The following DUSP6 variants were observed in gnomAD, a reference collection of about 807,000 sequenced individuals.
DUSP6 encodes dual specificity protein phosphatase 6.
DUSP6 carries 6 observed loss-of-function variants against 28.0 expected under a neutral mutation model. The observed-to-expected ratio is 0.21, with a 90% CI of 0.12 to 0.42. DUSP6 has a LOEUF of 0.42. DUSP6 is among the 10% of genes least tolerant of loss of function. DUSP6 has a pLI of 1.00. For missense variants in DUSP6, 451 were observed against 498.1 expected (o/e 0.91, Z 0.90); for synonymous variants, 252 against 217.5 (o/e 1.16, Z -1.40).
Position 89,348,481 on chromosome 12 carries a change from G to A in DUSP6, c.*773C>T, listed in dbSNP as rs1282519063. The stretch of plus-strand genomic sequence containing the variant: ...AAACTACATAAAGAGAAAAAATCAT[G>A]AGGAAAATACATGAAAAAGACTAAA... On this transcript the variant is annotated 3_prime_UTR_variant, in exon 3 of 3. Transcript: ENST00000279488. 6.6e-6 allele frequency: 1 copy of A among 152,436 alleles called. No homozygotes were observed. Among genetic ancestry groups the A allele is most frequent in the Non-Finnish European group, 1.5e-5 (1 of 68,026 alleles). 9.4% of individuals were successfully genotyped at this position (152,436 alleles called of 1,614,324 possible). A position where few individuals can be genotyped will look rare whatever the true frequency, so the allele number is the denominator to read the frequency against.
In DUSP6 at chr12:89,349,123, TTGTC is replaced by T. The variant is rs1474726819; in HGVS notation, c.*127_*130del. ...TTAACCAATTCCGCACTTGGTAACC[TTGTC>T]TAGTACAGACAGCTGGTGTCATTTT... On this transcript the variant is annotated 3_prime_UTR_variant, in exon 3 of 3. Coordinates refer to ENST00000279488, the MANE Select transcript of DUSP6 (RefSeq NM_001946.4). 7 of 987,330 alleles carry T rather than the reference TTGTC, an allele frequency of 7.1e-6. No homozygotes were observed. Among genetic ancestry groups the T allele is most frequent in the Non-Finnish European group, 1.0e-5 (7 of 671,700 alleles). 61.2% of individuals were successfully genotyped at this position (987,330 alleles called of 1,614,324 possible). A position where few individuals can be genotyped will look rare whatever the true frequency, so the allele number is the denominator to read the frequency against.
rs1592768047 is a variant in DUSP6, at chr12:89,351,914, C to T, written c.126G>A (p.Gln42=). Residue 42 remains glutamine, a synonymous_variant, in exon 1 of 3, where the codon CAG becomes CAA. Transcript: ENST00000279488. ...CGATGTGCGACGACTCGTATAGCTCCTGCGGCCGGCAGTCCATCAGCAGCA... is the reference window on the plus strand; with the variant it reads ...CGATGTGCGACGACTCGTATAGCTCTTGCGGCCGGCAGTCCATCAGCAGCA... ...ERLLLMDCRP[Q]ELYESSHIES... 1.9e-6 allele frequency: 3 copies of T among 1,612,944 alleles called. No homozygotes were observed. Among genetic ancestry groups the T allele is most frequent in the East Asian group, 2.2e-5 (1 of 44,880 alleles).
intron 1 of DUSP6, chr12:89,351,352 G>A (rs1024542101): frequency 5.1e-6 from 3 of 588,396 alleles, no homozygotes; most frequent in Non-Finnish European, 8.8e-6. Flanking sequence ...TCGAACGATA[G>A]AAAACAGGGT....
Position 89,352,194 on chromosome 12 carries a change from GACAGAA to G in DUSP6, c.-161_-156del. ...CGAGGCTAGCGGTTGGGGCAGACGA[GACAGAA>G]GTAAAGCCGGAGGTTCTCTCTGCAC... On this transcript the variant is annotated 5_prime_UTR_variant, in exon 1 of 3. Coordinates refer to ENST00000279488, the MANE Select transcript of DUSP6 (RefSeq NM_001946.4). 2.6e-6 allele frequency: 3 copies of G among 1,173,920 alleles called. No homozygotes were observed. Among genetic ancestry groups the G allele is most frequent in the Non-Finnish European group, 3.5e-6 (3 of 847,100 alleles). The allele number at this position is 1,173,920 out of a possible 1,614,324, so 72.7% of individuals were successfully genotyped here.
rs538971597 is a variant in DUSP6 at position 89,352,192 on chromosome 12, G to C, written c.-153C>G. 6.8e-5 allele frequency: 80 copies of C among 1,183,070 alleles called. No individual in the cohort carries two copies. In the African/African-American group the frequency reaches 8.7e-4, roughly 13 times the overall value. 73.3% of individuals were successfully genotyped at this position (1,183,070 alleles called of 1,614,324 possible). On this transcript the variant is annotated 5_prime_UTR_variant, in exon 1 of 3. Coordinates refer to ENST00000279488, the MANE Select transcript of DUSP6 (RefSeq NM_001946.4). ...GCCGAGGCTAGCGGTTGGGGCAGACGAGACAGAAGTAAAGCCGGAGGTTCT... is the reference window on the plus strand; with the variant it reads ...GCCGAGGCTAGCGGTTGGGGCAGACCAGACAGAAGTAAAGCCGGAGGTTCT...
rs758911284 is a variant in DUSP6 at position 89,351,654 on chromosome 12, G to A, written c.386C>T (p.Ala129Val). ...LKKLKDEGCR[A>V]FYLEGGFSKF... ...TGGGCGCGTACCTTCCAGGTAGAAC[G>A]CCCGGCAGCCCTCGTCCTTGAGCTT... Residue 129 changes from alanine to valine, a missense_variant, in exon 1 of 3, where the codon GCG becomes GTG. By Grantham distance (64) the Ala-to-Val change is moderately conservative (BLOSUM62 0). This residue lies in a region of DUSP6 where 347 missense variants were observed against 346.6 expected (regional missense o/e 1.00). Coordinates refer to ENST00000279488, the MANE Select transcript of DUSP6 (RefSeq NM_001946.4). 7.6e-5 allele frequency: 122 copies of A among 1,601,978 alleles called. No individual in the cohort carries two copies. Among genetic ancestry groups the A allele is most frequent in the Non-Finnish European group, 1.0e-4 (122 of 1,173,448 alleles).
Position 89,351,708 on chromosome 12 carries a change from C to A in DUSP6, c.332G>T (p.Gly111Val). 1 of 1,605,558 alleles carries A rather than the reference C, an allele frequency of 6.2e-7. No homozygotes were observed. Among genetic ancestry groups the A allele is most frequent in the Non-Finnish European group, 8.5e-7 (1 of 1,176,740 alleles). ...GAGCAGCAGCCCGAGCACCGACTCGCCGCCCGTATTCTCGTTCCAGTCGCT... is the reference window on the plus strand; with the variant it reads ...GAGCAGCAGCCCGAGCACCGACTCGACGCCCGTATTCTCGTTCCAGTCGCT... ...SSSDWNENTG[G>V]ESVLGLLLKK... The change falls in exon 1 of 3, where the codon GGC (glycine) becomes GTC (valine). Residue 111 changes from glycine to valine, a missense_variant. Gly to Val is a moderately radical substitution (Grantham distance 109, BLOSUM62 -3). Transcript: ENST00000279488.
Position 89,351,564 on chromosome 12 carries a change from T to A in DUSP6, c.400+76A>T. 2 of 1,472,480 alleles carry A rather than the reference T, an allele frequency of 1.4e-6. 1 individual carries two copies. The highest frequency in any genetic ancestry group is 2.8e-5 in the South Asian group (2 of 72,460). 91.2% of individuals were successfully genotyped at this position (1,472,480 alleles called of 1,614,324 possible). On this transcript the variant is annotated intron_variant, in intron 1 of 2. Coordinates refer to ENST00000279488, the MANE Select transcript of DUSP6 (RefSeq NM_001946.4). Reference sequence around the variant, plus strand: ...GCTCCAGCTGAGCGGAGCAGAGGTATTTTCAATCCACGCGCCCCGCCCGCA... The same window carrying A: ...GCTCCAGCTGAGCGGAGCAGAGGTAATTTCAATCCACGCGCCCCGCCCGCA...
Position 89,351,804 on chromosome 12 carries a change from C to T in DUSP6, c.236G>A (p.Arg79His). The T allele has an allele frequency of 2.5e-6, 4 of 1,610,912 alleles. No homozygotes were observed. The highest frequency in any genetic ancestry group is 1.7e-6 in the Non-Finnish European group (2 of 1,179,294). ...GGTGAAGCGGTCCCGGTCCTCGCCG[C>T]GCGTGAAGAGCGCGCGCACCGGCAG... Reference protein sequence around the residue: ...GNLPVRALFTRGEDRDRFTRR... With the variant: ...GNLPVRALFTHGEDRDRFTRR... Residue 79 changes from arginine (R) to histidine (H), a missense_variant, in exon 1 of 3, where the codon CGC becomes CAC. Around this residue, in one of 2 missense-constraint regions of DUSP6, gnomAD observed 347 missense variants for 346.6 expected, o/e 1.00. Coordinates refer to ENST00000279488, the MANE Select transcript of DUSP6 (RefSeq NM_001946.4).
rs61734372 is a variant in DUSP6 at position 89,351,780 on chromosome 12, G to A, written c.260C>T (p.Thr87Ile). ...FTRGEDRDRFTRRCGTDTVVL... is the reference protein window; with the variant it reads ...FTRGEDRDRFIRRCGTDTVVL... ...CACTGTGTCGGTGCCACAGCGCCGGGTGAAGCGGTCCCGGTCCTCGCCGCG... is the reference window on the plus strand; with the variant it reads ...CACTGTGTCGGTGCCACAGCGCCGGATGAAGCGGTCCCGGTCCTCGCCGCG... The change falls in exon 1 of 3, where the codon ACC becomes ATC. Residue 87 changes from threonine (T) to isoleucine (I), a missense_variant. Around this residue, in one of 2 missense-constraint regions of DUSP6, gnomAD observed 347 missense variants for 346.6 expected, o/e 1.00. Transcript: ENST00000279488. The A allele has an allele frequency of 0.034, 54,046 of 1,609,622 alleles. 1,085 individuals carry two copies. Among genetic ancestry groups the A allele is most frequent in the Non-Finnish European group, 0.041 (48,240 of 1,178,672 alleles).
At position 89,350,688 on chromosome 12, in the gene DUSP6, G is replaced by A. The variant is rs770296375; in HGVS notation, c.738C>T (p.Leu246=). ...ATTTAAACTCTCCTGCGTTCTCAAA[G>A]AGATTCGGCAAATTGGGGGTGACGT... ...ILNVTPNLPN[L]FENAGEFKYK... The change falls in exon 2 of 3, where the codon CTC becomes CTT. Residue 246 remains leucine, a synonymous_variant. Coordinates refer to ENST00000279488, the MANE Select transcript of DUSP6 (RefSeq NM_001946.4). The A allele has an allele frequency of 2.5e-6, 4 of 1,614,042 alleles. No homozygotes were observed. The highest frequency in any genetic ancestry group is 1.3e-5 in the African/African-American group (1 of 74,908).
At chr12:89,351,618 G>T in intron 1 of DUSP6, 22 bp downstream of exon 1, 1 of 1,578,444 alleles carries the variant, frequency 6.3e-7, no homozygotes, top group East Asian at 2.3e-5. Context: ...TGCCCCGCGC[G>T]CGGAGTTCCC....
rs1565875405 is a variant in DUSP6 at position 89,351,629 on chromosome 12, T to C, written c.400+11A>G. On this transcript the variant is annotated intron_variant, in intron 1 of 2. Transcript: ENST00000279488. ...GCCCTGCCCCGCGCGCGGAGTTCCC[T>C]GGGCGCGTACCTTCCAGGTAGAACG... is the stretch of plus-strand genomic sequence containing the variant. The C allele has an allele frequency of 3.8e-6, 6 of 1,589,286 alleles. No individual in the cohort carries two copies. In the South Asian group the frequency reaches 6.8e-5, roughly 18 times the overall value.
At position 89,352,035 on chromosome 12, in the gene DUSP6, A is replaced by G. The variant is rs761181689; in HGVS notation, c.5T>C (p.Ile2Thr). ...GAAGGGCACGGGTCTGAGCGTATCT[A>G]TCATGGGGGTCGAGCTGCGGGAGAG... is the stretch of plus-strand genomic sequence containing the variant. M[I>T]DTLRPVPFAS... Residue 2 changes from isoleucine to threonine, a missense_variant, in exon 1 of 3, where the codon ATA becomes ACA. This residue lies in a region of DUSP6 where 347 missense variants were observed against 346.6 expected (regional missense o/e 1.00). Transcript: ENST00000279488. 1 of 1,607,832 alleles carries G rather than the reference A, an allele frequency of 6.2e-7. No individual in the cohort carries two copies. The highest frequency in any genetic ancestry group is 1.7e-5 in the Admixed American group (1 of 59,936).
In DUSP6 at chr12:89,349,093, T is replaced by C; in HGVS notation, c.*161A>G. The C allele has an allele frequency of 1.4e-6, 1 of 696,174 alleles. No homozygotes were observed. Among genetic ancestry groups the C allele is most frequent in the South Asian group, 1.9e-5 (1 of 52,362 alleles). The allele number at this position is 696,174 out of a possible 1,614,324, so 43.1% of individuals were successfully genotyped here. On this transcript the variant is annotated 3_prime_UTR_variant, in exon 3 of 3. Coordinates refer to ENST00000279488, the MANE Select transcript of DUSP6 (RefSeq NM_001946.4). Reference sequence around the variant, plus strand: ...AAGAGAATGGAGCAAATCTCTCTGTTAGTATTAACCAATTCCGCACTTGGT... The same window carrying C: ...AAGAGAATGGAGCAAATCTCTCTGTCAGTATTAACCAATTCCGCACTTGGT...
At position 89,350,658 on chromosome 12, in the gene DUSP6, C is replaced by T. The variant is rs768176859; in HGVS notation, c.768G>A (p.Lys256=). The T allele has an allele frequency of 6.8e-6, 11 of 1,614,142 alleles. No individual in the cohort carries two copies. In the South Asian group the frequency reaches 1.1e-4, roughly 16 times the overall value. The change falls in exon 2 of 3, where the codon AAG becomes AAA. Residue 256 remains lysine (K), a synonymous_variant. Transcript: ENST00000279488. ...TCCAGTGATCCGAGATGGGGATTTG[C>T]TTGTATTTAAACTCTCCTGCGTTCT... ...LFENAGEFKY[K]QIPISDHWSQ...
At position 89,351,045 on chromosome 12, in the gene DUSP6, AATC is replaced by A; in HGVS notation, c.401-23_401-21del. On this transcript the variant is annotated intron_variant, in intron 1 of 2. Coordinates refer to ENST00000279488, the MANE Select transcript of DUSP6 (RefSeq NM_001946.4). ...AGCCACCTGCCAGAACGAGAAAAGCAATCATCTAACCTGAGAAGCCGTAGTAGT... is the reference window on the plus strand; with the variant it reads ...AGCCACCTGCCAGAACGAGAAAAGCAATCTAACCTGAGAAGCCGTAGTAGT... 1 of 1,558,756 alleles carries A rather than the reference AATC, an allele frequency of 6.4e-7. No individual in the cohort carries two copies. Among genetic ancestry groups the A allele is most frequent in the Non-Finnish European group, 8.6e-7 (1 of 1,156,952 alleles).
rs1039662855 is a variant in DUSP6 at position 89,350,652 on chromosome 12, G to T, written c.774C>A (p.Ile258=). ...TTTGGCTCCAGTGATCCGAGATGGGGATTTGCTTGTATTTAAACTCTCCTG... is the reference window on the plus strand; with the variant it reads ...TTTGGCTCCAGTGATCCGAGATGGGTATTTGCTTGTATTTAAACTCTCCTG... ...ENAGEFKYKQ[I]PISDHWSQNL... is the part of the protein sequence containing the mutation. The change falls in exon 2 of 3, where the codon ATC becomes ATA. Residue 258 remains isoleucine (I), a synonymous_variant. Transcript: ENST00000279488. 4.3e-6 allele frequency: 7 copies of T among 1,614,168 alleles called. No homozygotes were observed. Among genetic ancestry groups the T allele is most frequent in the Non-Finnish European group, 5.9e-6 (7 of 1,180,022 alleles).
Position 89,348,158 on chromosome 12 carries a change from T to A in DUSP6, c.*1096A>T, listed in dbSNP as rs1434928361. On this transcript the variant is annotated 3_prime_UTR_variant, in exon 3 of 3. Coordinates refer to ENST00000279488, the MANE Select transcript of DUSP6 (RefSeq NM_001946.4). The stretch of plus-strand genomic sequence containing the variant: ...TTACACCACGAACATAATGGAGAAT[T>A]TAACTCTCCCTTCTTCACAATCAAA... The A allele has an allele frequency of 1.3e-5, 2 of 152,614 alleles. No homozygotes were observed. The highest frequency in any genetic ancestry group is 4.8e-5 in the African/African-American group (2 of 41,442). 9.5% of individuals were successfully genotyped at this position (152,614 alleles called of 1,614,324 possible).
Sources: allele counts gnomAD v4.1 joint callset, GRCh38; gene constraint gnomAD v4.1.1; regional missense constraint gnomAD v4.1.1; transcripts MANE v1.5; gene names NCBI Gene and HGNC (gene_info 2026-07-23, HGNC 2026-07-21).